The following CNTNAP2 variants were observed in gnomAD, a reference collection of about 807,000 sequenced individuals.
The protein encoded by CNTNAP2 is contactin-associated protein-like 2.
A neutral mutation model predicts 155.2 loss-of-function variants in CNTNAP2; 98 were observed. The observed-to-expected ratio is 0.63, with a 90% CI of 0.54 to 0.75. The LOEUF is 0.75. Ranked by LOEUF, CNTNAP2 falls within the 30% of genes least tolerant of loss-of-function variation. The probability of loss-of-function intolerance (pLI) is 0.00; values close to 1 mark genes in which losing one functional copy is unlikely to be tolerated. For missense variants in CNTNAP2, 1,727 were observed against 1,688.1 expected, an observed-to-expected ratio of 1.02 and a Z score of -0.40; for synonymous variants, 651 against 631.2, an observed-to-expected ratio of 1.03 and a Z score of -0.47.
intron 11 of CNTNAP2, among the ~76,000 whole-genome samples, chr7:147,534,189 G>A (rs1001308617): frequency 6.6e-6 from 1 of 152,136 alleles, no homozygotes; most frequent in Non-Finnish European, 1.5e-5. Context: ...CATTTGGTTG[G>A]GGTTGCTATG....
intron 10 of CNTNAP2, among the ~76,000 whole-genome samples, chr7:147,484,111 T>C (rs909501366): frequency 6.6e-6 from 1 of 152,100 alleles, no homozygotes; most frequent in Non-Finnish European, 1.5e-5. Context: ...TTCTTCTGGG[T>C]TTGCATTTTT....
At chr7:148,073,610 A>G (rs1211199589) in intron 15 of CNTNAP2, among the ~76,000 whole-genome samples, 1 of 152,160 alleles carries the variant, frequency 6.6e-6, no homozygotes, top group East Asian at 1.9e-4. Context: ...ATTATGGTAT[A>G]TTATTGTAAT....
rs1000802130 is a variant in CNTNAP2 at position 147,129,629 on chromosome 7, A to G, written c.1083+793A>G. On this transcript the variant is annotated intron_variant, in intron 7 of 23. Transcript: ENST00000361727. ...GCTTAGAATTCCAGAGACCCATACA[A>G]TAAGAAGATATTATGCACTATAAGT... Among the ~76,000 whole-genome samples, 6 of 152,282 alleles carry G rather than the reference A, an allele frequency of 3.9e-5. No individual in the cohort carries two copies. In the South Asian group the frequency reaches 1.2e-3, roughly 32 times the overall value.
At chr7:146,791,300 A>C (rs1184544177) in intron 2 of CNTNAP2, among the ~76,000 whole-genome samples, 2 of 152,134 alleles carry the variant, frequency 1.3e-5, no homozygotes, top group African/African-American at 4.8e-5. Flanking sequence ...ATAGTATTGC[A>C]TGGTGTATAT....
In CNTNAP2 at chr7:148,295,635, G is replaced by C. The variant is rs1426535454; in HGVS notation, c.3475+28509G>C. On this transcript the variant is annotated intron_variant, in intron 21 of 23. Transcript: ENST00000361727. ...GCCTCCCGAGTAGCTGGGACTACCG[G>C]TGCCCGCCACCGCGCCTGGCTAATT... 2.2e-5 allele frequency among the ~76,000 whole-genome samples: 3 copies of C among 137,756 alleles called. 1 individual carries two copies. The highest frequency in any genetic ancestry group is 4.7e-5 in the Non-Finnish European group (3 of 63,614). The allele number at this position is 137,756 out of a possible 152,430, so 90.4% of individuals were successfully genotyped here.
intron 2 of CNTNAP2, among the ~76,000 whole-genome samples, chr7:146,779,778 A>C (rs780839788): frequency 3.3e-5 from 5 of 152,160 alleles, no homozygotes; most frequent in Admixed American, 6.5e-5. Context: ...AGAGGGCAGA[A>C]GGTTGTGGTG....
At chr7:147,148,751 T>C (rs1432340836) in intron 8 of CNTNAP2, among the ~76,000 whole-genome samples, 1 of 151,976 alleles carries the variant, frequency 6.6e-6, no homozygotes, top group Non-Finnish European at 1.5e-5. Flanking sequence ...CATCTGGAGT[T>C]GTTTATTCCT....
chr7:147,887,243 G>C (rs1799617224), intron 13 of CNTNAP2, among the ~76,000 whole-genome samples: 1 of 152,164 alleles, frequency 6.6e-6, no homozygotes, highest in Non-Finnish European at 1.5e-5. Context: ...AGGCTGAGGT[G>C]GGTGGATCAC....
At chr7:147,453,348 A>G (rs1797865254) in intron 10 of CNTNAP2, among the ~76,000 whole-genome samples, 1 of 152,090 alleles carries the variant, frequency 6.6e-6, no homozygotes, top group Admixed American at 6.6e-5. Flanking sequence ...TGTCTCAGAG[A>G]GTCAAGTGAA....
chr7:148,290,055 TA>T (rs1238336919), intron 21 of CNTNAP2, among the ~76,000 whole-genome samples: 1 of 152,202 alleles, frequency 6.6e-6, no homozygotes, highest in Non-Finnish European at 1.5e-5. Context: ...ATGCAGAATA[TA>T]AAGGGATTTC....
At chr7:148,099,793 G>A (rs977267256) in intron 15 of CNTNAP2, among the ~76,000 whole-genome samples, 8 of 148,648 alleles carry the variant, frequency 5.4e-5, no homozygotes, top group East Asian at 2.0e-4. Context: ...CAGGGCCCTC[G>A]CTTCTCTACC....
Position 147,164,371 on chromosome 7 carries a change from G to A in CNTNAP2, c.1348+31862G>A, listed in dbSNP as rs918524422. On this transcript the variant is annotated intron_variant, in intron 8 of 23. Transcript: ENST00000361727. ...CATAAACCAAGTAGTTAGGCTCTGC[G>A]CCAAGCAGGACTTGAAAAGACTTAT... is the stretch of plus-strand genomic sequence containing the variant. Among the ~76,000 whole-genome samples the A allele has an allele frequency of 5.9e-5, 9 of 152,296 alleles. 1 individual carries two copies. The East Asian group carries it at 7.7e-4, about 13-fold the overall frequency.
At chr7:146,983,422 CA>C (rs201659218) in intron 3 of CNTNAP2, among the ~76,000 whole-genome samples, 26 of 151,464 alleles carry the variant, frequency 1.7e-4, no homozygotes, top group African/African-American at 6.1e-4. Flanking sequence ...AAAACATAGA[CA>C]AAAAAAACAG....
At chr7:146,527,961 T>C (rs1480763385) in intron 1 of CNTNAP2, among the ~76,000 whole-genome samples, 1 of 152,160 alleles carries the variant, frequency 6.6e-6, no homozygotes, top group East Asian at 1.9e-4. Flanking sequence ...TTACGGCTTT[T>C]GTTTTAATTT....
At chr7:148,082,987 G>T (rs1000750949) in intron 15 of CNTNAP2, among the ~76,000 whole-genome samples, 5 of 152,050 alleles carry the variant, frequency 3.3e-5, no homozygotes, top group African/African-American at 9.7e-5. Flanking sequence ...TGAACTTTGG[G>T]ATTCTCTTGG....
intron 11 of CNTNAP2, among the ~76,000 whole-genome samples, chr7:147,537,325 A>C (rs2116736440): frequency 6.6e-6 from 1 of 152,362 alleles, no homozygotes; most frequent in African/African-American, 2.4e-5. Flanking sequence ...GCTATGAATA[A>C]ATCTGTATGC....
In CNTNAP2 at chr7:146,488,299, C is replaced by CCCTT. The variant is rs1243166175; in HGVS notation, c.98-285968_98-285965dup. On this transcript the variant is annotated intron_variant, in intron 1 of 23. Coordinates refer to ENST00000361727, the MANE Select transcript of CNTNAP2 (RefSeq NM_014141.6). ...CTCCTCCCTCCCTCCCTCCCTCCCT[C>CCCTT]CCTTCCTCCCTCCCTTCCTTCCTTC... 6.8e-3 allele frequency among the ~76,000 whole-genome samples: 833 copies of CCCTT among 122,824 alleles called. 6 individuals carry two copies. The highest frequency in any genetic ancestry group is 0.028 in the African/African-American group (788 of 28,480). 80.6% of individuals were successfully genotyped at this position (122,824 alleles called of 152,430 possible).
chr7:148,133,088 A>G (rs999536913), intron 16 of CNTNAP2, among the ~76,000 whole-genome samples: 3 of 152,212 alleles, frequency 2.0e-5, no homozygotes, highest in Non-Finnish European at 2.9e-5. Flanking sequence ...AGTTAGGAAC[A>G]TTATGTAATC....
At chr7:147,244,425 A>G (rs545150051) in intron 8 of CNTNAP2, among the ~76,000 whole-genome samples, 1 of 152,354 alleles carries the variant, frequency 6.6e-6, no homozygotes, top group Non-Finnish European at 1.5e-5. Flanking sequence ...TGTCTCCAAA[A>G]TAGATATATA....
Sources: allele counts gnomAD v4.1 joint callset (sites outside exome capture counted in the v4.1 genomes callset), GRCh38; gene constraint gnomAD v4.1.1; transcripts MANE v1.5; gene names NCBI Gene and HGNC (gene_info 2026-07-23, HGNC 2026-07-21).